RGS9: variants seen among roughly 807,000 people sequenced by gnomAD.
RGS9 encodes the protein regulator of G protein signaling 9, also known as regulator of G-protein signalling 9.
In RGS9, 78 loss-of-function variants were observed where a neutral mutation model predicts 102.0. The observed-to-expected ratio is 0.76, with a 90% CI of 0.64 to 0.92. The LOEUF is 0.92. Among genes scored for constraint, RGS9 ranks in the 40% least tolerant of loss-of-function variants. The pLI is 0.00. For synonymous variants in RGS9, 353 were observed against 318.6 expected, an observed-to-expected ratio of 1.11 and a Z score of -1.15; for missense variants, 833 against 866.1, an observed-to-expected ratio of 0.96 and a Z score of 0.48.
rs1175214036 is a variant in RGS9 at position 65,193,625 on chromosome 17, G to A, written c.829G>A (p.Asp277Asn). The change falls in exon 12 of 19, where the codon GAC becomes AAC. Residue 277 changes from aspartate to asparagine, a missense_variant. Asp to Asn is a conservative substitution (Grantham distance 23). Coordinates refer to ENST00000262406, the MANE Select transcript of RGS9 (RefSeq NM_003835.4). ...CCCCAGCAACCCCTGGATCACCGAT[G>A]ACACCCAGTTCTGGGACTTAAATGC... Reference protein sequence around the residue: ...CLPSNPWITDDTQFWDLNAKL... With the variant: ...CLPSNPWITDNTQFWDLNAKL... The A allele has an allele frequency of 1.1e-5, 17 of 1,613,658 alleles. No individual in the cohort carries two copies. Among genetic ancestry groups the A allele is most frequent in the Non-Finnish European group, 1.4e-5 (17 of 1,179,576 alleles).
chr17:65,160,425 T>C, intron 4 of RGS9, 86 bp downstream of exon 4: 1 of 1,562,782 alleles, frequency 6.4e-7, no homozygotes, highest in African/African-American at 1.4e-5. Context: ...GATCAAGGAC[T>C]TCAGAAATGG....
intron 3 of RGS9, among the ~76,000 whole-genome samples, chr17:65,159,819 C>T (rs1910909229): frequency 6.6e-6 from 1 of 152,168 alleles, no homozygotes. Flanking sequence ...ATGCTCCTTG[C>T]TCATTCTTGG....
At chr17:65,178,471 T>C (rs1355409895) in intron 9 of RGS9, among the ~76,000 whole-genome samples, 1 of 142,756 alleles carries the variant, frequency 7.0e-6, no homozygotes, top group Non-Finnish European at 1.5e-5. Flanking sequence ...AGATAATTCT[T>C]TTTTTTTCCT....
intron 2 of RGS9, among the ~76,000 whole-genome samples, chr17:65,157,309 T>C (rs1910804406): frequency 6.6e-6 from 1 of 152,010 alleles, no homozygotes; most frequent in Admixed American, 6.6e-5. Flanking sequence ...GGGCACCTTG[T>C]CTATCTTCTG....
rs557648026 is a variant in RGS9 at position 65,212,760 on chromosome 17, T to C, written c.1407+2155T>C. On this transcript the variant is annotated intron_variant, in intron 17 of 18. Transcript: ENST00000262406. The stretch of plus-strand genomic sequence containing the variant: ...TGCAGACCAGTTTCCACTCTGAAAG[T>C]GCATGGAGGGATATGCTTTGCTCAT... Among the ~76,000 whole-genome samples the C allele has an allele frequency of 7.9e-5, 12 of 152,336 alleles. No homozygotes were observed. The East Asian group carries it at 2.3e-3, about 29-fold the overall frequency.
chr17:65,215,540 CTTTCTTTT>C (rs1275975160), intron 17 of RGS9, among the ~76,000 whole-genome samples: 15 of 118,610 alleles, frequency 1.3e-4, no homozygotes, highest in Admixed American at 3.2e-4. Context: ...TTCTTTCTTT[CTTTCTTTT>C]TTTTTGTTTT....
chr17:65,145,822 C>T (rs1910337110), intron 1 of RGS9, among the ~76,000 whole-genome samples: 1 of 152,068 alleles, frequency 6.6e-6, no homozygotes, highest in African/African-American at 2.4e-5. Flanking sequence ...TCTGTGGTTT[C>T]CTGGGGAGAC....
In RGS9 at chr17:65,160,475, G is replaced by A; in HGVS notation, c.313-61G>A. The A allele has an allele frequency of 2.5e-6, 4 of 1,603,818 alleles. No individual in the cohort carries two copies. The South Asian group carries it at 4.4e-5, about 18-fold the overall frequency. On this transcript the variant is annotated intron_variant, in intron 4 of 18. Coordinates refer to ENST00000262406, the MANE Select transcript of RGS9 (RefSeq NM_003835.4). ...GTGGTTGGATTTCTTTAGTCACAGGGTTGGGGTCCATTGAGTCACAATCCA... is the reference window on the plus strand; with the variant it reads ...GTGGTTGGATTTCTTTAGTCACAGGATTGGGGTCCATTGAGTCACAATCCA...
At position 65,227,635 on chromosome 17, in the gene RGS9, G is replaced by A. The variant is rs372679666; in HGVS notation, c.*228G>A. ...CCTCCCTCCCCTGGGCAGAAGAAAC[G>A]CATGTGGACCAGAAGACTTTCCCTG... is the stretch of plus-strand genomic sequence containing the variant. On this transcript the variant is annotated 3_prime_UTR_variant, in exon 19 of 19. Transcript: ENST00000262406. 3.4e-5 allele frequency: 20 copies of A among 587,604 alleles called. No individual in the cohort carries two copies. The highest frequency in any genetic ancestry group is 2.0e-4 in the African/African-American group (11 of 53,826). The allele number at this position is 587,604 out of a possible 1,614,324, so 36.4% of individuals were successfully genotyped here. A position where few individuals can be genotyped will look rare whatever the true frequency, so the allele number is the denominator to read the frequency against.
intron 1 of RGS9, among the ~76,000 whole-genome samples, chr17:65,152,137 G>A (rs1410808235): frequency 6.6e-6 from 1 of 152,220 alleles, no homozygotes; most frequent in Non-Finnish European, 1.5e-5. Context: ...TGGTCAGGGT[G>A]GGCCTCCTGA....
At chr17:65,174,524 T>C (rs1457089643) in intron 8 of RGS9, among the ~76,000 whole-genome samples, 4 of 152,036 alleles carry the variant, frequency 2.6e-5, no homozygotes, top group Non-Finnish European at 5.9e-5. Flanking sequence ...TGTATGTATG[T>C]GTGAGAGTGT....
At chr17:65,205,295 G>C (rs565581345) in intron 15 of RGS9, among the ~76,000 whole-genome samples, 2 of 152,230 alleles carry the variant, frequency 1.3e-5, no homozygotes, top group South Asian at 4.2e-4. Context: ...TAAGGGCAAA[G>C]TATCTTTATA....
intron 15 of RGS9, among the ~76,000 whole-genome samples, chr17:65,205,416 G>A (rs573863524): frequency 2.0e-5 from 3 of 152,194 alleles, no homozygotes; most frequent in African/African-American, 7.2e-5. Context: ...TACAGGTTAT[G>A]TGATATAGAC....
intron 7 of RGS9, among the ~76,000 whole-genome samples, chr17:65,163,791 T>G (rs1598575170): frequency 6.6e-6 from 1 of 151,750 alleles, no homozygotes; most frequent in East Asian, 1.9e-4. Context: ...GAGGCAGGAG[T>G]GTGCCCACTG....
Position 65,191,320 on chromosome 17 carries a change from C to T in RGS9, c.746+1084C>T, listed in dbSNP as rs554118235. On this transcript the variant is annotated intron_variant, in intron 11 of 18. Transcript: ENST00000262406. Reference sequence around the variant, plus strand: ...TTCCAATTTTTATTTGTCTCAGGACCTCATTACCGTAATTTTGACATCATT... The same window carrying T: ...TTCCAATTTTTATTTGTCTCAGGACTTCATTACCGTAATTTTGACATCATT... Among the ~76,000 whole-genome samples, 12 of 152,156 alleles carry T rather than the reference C, an allele frequency of 7.9e-5. No individual in the cohort carries two copies. In the South Asian group the frequency reaches 2.5e-3, roughly 32 times the overall value.
At chr17:65,142,091 C>G (rs1598551668) in intron 1 of RGS9, among the ~76,000 whole-genome samples, 1 of 152,142 alleles carries the variant, frequency 6.6e-6, no homozygotes, top group African/African-American at 2.4e-5. Context: ...CAAAAATACA[C>G]AAATTAGCCA....
chr17:65,223,074 G>T lies in RGS9; in HGVS notation c.1408-1928G>T, dbSNP rs559268732. Among the ~76,000 whole-genome samples the T allele has an allele frequency of 7.9e-5, 12 of 152,332 alleles. No homozygotes were observed. In the South Asian group the frequency reaches 2.5e-3, roughly 32 times the overall value. ...CTGTAAAATGGGGATAATAACAGTT[G>T]CCTCACTGGGTGGCTCTGTGGAGCA... On this transcript the variant is annotated intron_variant, in intron 17 of 18. Transcript: ENST00000262406.
chr17:65,217,465 G>A (rs1341685183), intron 17 of RGS9, among the ~76,000 whole-genome samples: 3 of 152,234 alleles, frequency 2.0e-5, no homozygotes, highest in Admixed American at 6.5e-5. Flanking sequence ...ACTGGATTTA[G>A]CAGTAAGGAA....
At chr17:65,191,793 C>T (rs746394596) in intron 11 of RGS9, among the ~76,000 whole-genome samples, 3 of 152,070 alleles carry the variant, frequency 2.0e-5, no homozygotes, top group Non-Finnish European at 4.4e-5. Context: ...AAGAGAGTCT[C>T]GGGAGAGAAT....
Sources: allele counts gnomAD v4.1 joint callset (sites outside exome capture counted in the v4.1 genomes callset), GRCh38; gene constraint gnomAD v4.1.1; transcripts MANE v1.5; gene names NCBI Gene and HGNC (gene_info 2026-07-23, HGNC 2026-07-21).